Variants in C11orf65 observed in about 807,000 individuals in gnomAD.
C11orf65 encodes the protein protein MFI.
C11orf65 carries 38 observed loss-of-function variants against 35.3 expected under a neutral mutation model. That is an observed-to-expected ratio of 1.08 (90% CI 0.83 to 1.41). The LOEUF (loss-of-function observed/expected upper bound fraction) is 1.41. C11orf65 is among the 40% of genes most tolerant of loss of function. The pLI, the probability that C11orf65 is intolerant of heterozygous loss-of-function variation, is 0.00. For missense variants in C11orf65, 370 were observed against 367.1 expected (o/e 1.01, Z -0.06); for synonymous variants, 105 against 114.4 (o/e 0.92, Z 0.53).
In C11orf65 at chr11:108,321,216, G is replaced by T. The variant is rs538331546; in HGVS notation, c.641-12145C>A. 1.9e-5 allele frequency: 29 copies of T among 1,560,078 alleles called. No homozygotes were observed. In the African/African-American group the frequency reaches 3.0e-4, roughly 16 times the overall value. The stretch of plus-strand genomic sequence containing the variant: ...AGATCAGTAGCAAAGCCTATGATGA[G>T]AACTCTTTAACAACAAATTTAAACA... On this transcript the variant is annotated intron_variant, in intron 6 of 6. Coordinates refer to the C11orf65 transcript ENST00000525729.
rs2087666965 is a variant in C11orf65 at position 108,342,182 on chromosome 11, GA to G, written c.227-6891del. On this transcript the variant is annotated intron_variant, in intron 2 of 3. Transcript: ENST00000524755. ...GGCAATTCTTCCAGTGTGGCCCAGG[GA>G]ATCCAAAAGATTGGACACCCCTGCC... 2.6e-5 allele frequency among the ~76,000 whole-genome samples: 4 copies of G among 152,182 alleles called. No individual in the cohort carries two copies. In the South Asian group the frequency reaches 8.3e-4, roughly 32 times the overall value.
intron 7 of C11orf65, among the ~76,000 whole-genome samples, chr11:108,390,452 C>A (rs1454166213): frequency 1.3e-5 from 2 of 152,042 alleles, no homozygotes; most frequent in East Asian, 3.8e-4. Context: ...TGGTTTTATT[C>A]TTTTTATATT....
intron 6 of C11orf65, chr11:108,325,588 C>A: frequency 6.7e-7 from 1 of 1,487,748 alleles, no homozygotes; most frequent in Non-Finnish European, 9.3e-7. Context: ...CTTGACTTTC[C>A]TTTTATTATT....
At chr11:108,425,093 G>T (rs1321874161) in intron 3 of C11orf65, among the ~76,000 whole-genome samples, 1 of 152,132 alleles carries the variant, frequency 6.6e-6, no homozygotes, top group South Asian at 2.1e-4. Context: ...ACAATTAAAA[G>T]AACTAGAGAA....
chr11:108,396,201 T>C (rs987032351), intron 6 of C11orf65, among the ~76,000 whole-genome samples: 1 of 152,054 alleles, frequency 6.6e-6, no homozygotes, highest in African/African-American at 2.4e-5. Context: ...CAAGCAGTTC[T>C]CCTGCCTCAG....
chr11:108,349,004 A>G (rs368795228), intron 2 of C11orf65, among the ~76,000 whole-genome samples: 2 of 152,194 alleles, frequency 1.3e-5, no homozygotes, highest in African/African-American at 4.8e-5. Flanking sequence ...ATCTTCAGCA[A>G]ATAGATTTCA....
chr11:108,357,152 GTTCCCT>G (rs1053554542), intron 2 of C11orf65, among the ~76,000 whole-genome samples: 6 of 152,236 alleles, frequency 3.9e-5, no homozygotes, highest in African/African-American at 1.4e-4. Context: ...GGGTCAGGGA[GTTCCCT>G]TTCCTAGTCA....
intron 6 of C11orf65, among the ~76,000 whole-genome samples, chr11:108,404,544 A>ACT (rs1327407791): frequency 6.6e-6 from 1 of 151,104 alleles, no homozygotes; most frequent in African/African-American, 2.4e-5. Flanking sequence ...AGTAGCTGGG[A>ACT]CTACAGGCGC....
chr11:108,407,510 A>G (rs1185621992), intron 3 of C11orf65, among the ~76,000 whole-genome samples: 5 of 150,488 alleles, frequency 3.3e-5, no homozygotes, highest in Non-Finnish European at 4.4e-5. Context: ...TGTAGAGACA[A>G]GAGTCTTCCT....
chr11:108,344,971 C>T (rs986803171), intron 2 of C11orf65, among the ~76,000 whole-genome samples: 3 of 152,102 alleles, frequency 2.0e-5, no homozygotes, highest in East Asian at 3.9e-4. Context: ...CCCCTGCACT[C>T]CAGTCCAGGT....
intron 3 of C11orf65, among the ~76,000 whole-genome samples, chr11:108,412,641 C>T (rs564326672): frequency 2.6e-4 from 39 of 152,086 alleles, no homozygotes; most frequent in South Asian, 8.3e-4. Flanking sequence ...GAGGCTGGGG[C>T]GGGAGGATCA....
At chr11:108,388,410 T>C (rs924968365) in intron 7 of C11orf65, among the ~76,000 whole-genome samples, 5 of 152,138 alleles carry the variant, frequency 3.3e-5, no homozygotes, top group Admixed American at 2.0e-4. Flanking sequence ...CACGAAGAAA[T>C]TTGTAGAAAT....
At chr11:108,415,348 T>C (rs913720008) in intron 3 of C11orf65, among the ~76,000 whole-genome samples, 3 of 152,134 alleles carry the variant, frequency 2.0e-5, no homozygotes, top group African/African-American at 7.2e-5. Context: ...AAACACATTG[T>C]CATTTATATC....
chr11:108,363,753 T>G (rs1265929017), intron 2 of C11orf65, among the ~76,000 whole-genome samples: 2 of 152,194 alleles, frequency 1.3e-5, no homozygotes, highest in East Asian at 1.9e-4. Context: ...TGAAACATAA[T>G]TTTTTACTTA....
chr11:108,455,619 C>G (rs1465339895), intron 2 of C11orf65, among the ~76,000 whole-genome samples: 1 of 151,396 alleles, frequency 6.6e-6, no homozygotes, highest in Non-Finnish European at 1.5e-5. Context: ...AGTTCGAGAC[C>G]AGACTGACCA....
At chr11:108,381,694 T>C (rs2091867546), downstream of C11orf65, among the ~76,000 whole-genome samples, 1 of 152,262 alleles carries the variant, frequency 6.6e-6, no homozygotes, top group African/African-American at 2.4e-5. Context: ...ATAAACTATC[T>C]GTACCAATGT....
chr11:108,327,540 C>G, downstream of C11orf65: 1 of 908,954 alleles, frequency 1.1e-6, no homozygotes, highest in Non-Finnish European at 1.7e-6. Flanking sequence ...TTCCCACCCA[C>G]CAAGGAAAAA....
chr11:108,454,896 T>C (rs1375749060), intron 2 of C11orf65, among the ~76,000 whole-genome samples: 2 of 152,256 alleles, frequency 1.3e-5, no homozygotes, highest in African/African-American at 4.8e-5. Context: ...CTAATCTTTA[T>C]TTCCTTCCTT....
chr11:108,321,049 T>TG (rs1365614158), intron 6 of C11orf65, among the ~76,000 whole-genome samples: 1 of 152,204 alleles, frequency 6.6e-6, no homozygotes, highest in Non-Finnish European at 1.5e-5. Flanking sequence ...GAGGAAGGGT[T>TG]GGTCTTGCTA....
Sources: allele counts gnomAD v4.1 joint callset (sites outside exome capture counted in the v4.1 genomes callset), GRCh38; gene constraint gnomAD v4.1.1; transcripts MANE v1.5; gene names NCBI Gene and HGNC (gene_info 2026-07-23, HGNC 2026-07-21).